Variants in EFCAB6 observed in about 807,000 individuals in gnomAD.
The protein encoded by EFCAB6 is EF-hand calcium binding domain 6, also known as EF-hand calcium-binding domain-containing protein 6.
Under a neutral mutation model 169.8 loss-of-function variants are expected in EFCAB6, and 156 were observed. The ratio of observed to expected loss-of-function variants is 0.92; its 90% confidence interval spans 0.81 to 1.05. The LOEUF is 1.05. EFCAB6 is among the 50% of genes least tolerant of loss of function. The probability of loss-of-function intolerance (pLI) is 0.00; values close to 1 mark genes in which losing one functional copy is unlikely to be tolerated. For synonymous variants in EFCAB6, 698 were observed against 676.4 expected, an observed-to-expected ratio of 1.03 and a Z score of -0.50; for missense variants, 1,800 against 1,829.1, an observed-to-expected ratio of 0.98 and a Z score of 0.29.
intron 2 of EFCAB6, among the ~76,000 whole-genome samples, chr22:43,804,235 G>A (rs1317679454): frequency 1.3e-5 from 2 of 152,116 alleles, no homozygotes; most frequent in African/African-American, 4.8e-5. Flanking sequence ...ATGAATCAAT[G>A]AAGAAATTAA....
chr22:43,782,424 G>T, intron 2 of EFCAB6, 99 bp from the exon 3 acceptor site: 3 of 1,051,800 alleles, frequency 2.9e-6, no homozygotes, highest in Non-Finnish European at 2.8e-6. Context: ...GACAGCTGCA[G>T]AGTGTAAAAA....
At chr22:43,751,536 G>T (rs1248645081) in intron 6 of EFCAB6, among the ~76,000 whole-genome samples, 1 of 152,236 alleles carries the variant, frequency 6.6e-6, no homozygotes, top group African/African-American at 2.4e-5. Flanking sequence ...ACTCCAGGAT[G>T]GAGCTGGGAC....
chr22:43,748,237 C>A (rs2060632988), intron 6 of EFCAB6, among the ~76,000 whole-genome samples: 1 of 152,208 alleles, frequency 6.6e-6, no homozygotes, highest in Admixed American at 6.5e-5. Flanking sequence ...TTATCAGAAA[C>A]CTTCAGTCAT....
At chr22:43,706,358 T>G (rs971753443) in intron 10 of EFCAB6, among the ~76,000 whole-genome samples, 2 of 152,242 alleles carry the variant, frequency 1.3e-5, no homozygotes, top group Non-Finnish European at 2.9e-5. Flanking sequence ...GTAGTTCCTC[T>G]TTGTTATTCT....
intron 22 of EFCAB6, among the ~76,000 whole-genome samples, chr22:43,604,043 CA>C (rs1391204085): frequency 5.9e-5 from 9 of 152,146 alleles, no homozygotes; most frequent in Admixed American, 2.0e-4. Flanking sequence ...GCTCTGGCCA[CA>C]AGAAGCGCTG....
intron 6 of EFCAB6, among the ~76,000 whole-genome samples, chr22:43,742,436 C>T (rs2060409184): frequency 6.6e-6 from 1 of 152,214 alleles, no homozygotes; most frequent in Admixed American, 6.5e-5. Flanking sequence ...CACTCCTCCA[C>T]CCTATACACC....
chr22:43,654,817 A>G (rs1022580269), intron 17 of EFCAB6, among the ~76,000 whole-genome samples: 1 of 152,244 alleles, frequency 6.6e-6, no homozygotes, highest in Admixed American at 6.5e-5. Context: ...CATTTAAAGT[A>G]CAAAAGGGAG....
At position 43,731,768 on chromosome 22, in the gene EFCAB6, A is replaced by C; in HGVS notation, c.688T>G (p.Tyr230Asp). The C allele has an allele frequency of 6.2e-7, 1 of 1,603,436 alleles. No individual in the cohort carries two copies. Among genetic ancestry groups the C allele is most frequent in the African/African-American group, 1.3e-5 (1 of 74,688 alleles). Reference protein sequence around the residue: ...YNIHKDTAVDYNVFLKNLSIN... With the variant: ...YNIHKDTAVDDNVFLKNLSIN... ...CTGAGATTCTTCAAAAACACGTTGT[A>C]ATCTACTGCAGTATCCTTGTGGATG... The change falls in exon 8 of 32, where the codon TAC becomes GAC. Residue 230 changes from tyrosine to aspartate, a missense_variant. Physicochemically the swap from Tyr to Asp is radical, Grantham distance 160 (BLOSUM62 -3). Coordinates refer to ENST00000262726, the MANE Select transcript of EFCAB6 (RefSeq NM_022785.4).
chr22:43,689,334 T>G (rs1212901291), intron 10 of EFCAB6, among the ~76,000 whole-genome samples: 1 of 127,300 alleles, frequency 7.9e-6, no homozygotes, highest in African/African-American at 3.1e-5. Context: ...GTGGGCCACG[T>G]GAGGGAGAGC....
At chr22:43,623,003 T>A (rs73172067) in intron 20 of EFCAB6, among the ~76,000 whole-genome samples, 1 of 152,126 alleles carries the variant, frequency 6.6e-6, no homozygotes, top group Non-Finnish European at 1.5e-5. Context: ...GCAAGAAAAT[T>A]TGAGAAAGGA....
intron 22 of EFCAB6, among the ~76,000 whole-genome samples, chr22:43,604,093 C>T (rs952668291): frequency 1.3e-5 from 2 of 152,076 alleles, no homozygotes; most frequent in African/African-American, 4.8e-5. Flanking sequence ...TTGTAAGTTT[C>T]CTGAGGCCTT....
chr22:43,697,584 A>G (rs2058622215), intron 10 of EFCAB6, among the ~76,000 whole-genome samples: 1 of 152,192 alleles, frequency 6.6e-6, no homozygotes, highest in Admixed American at 6.5e-5. Flanking sequence ...ATTTTCAAAA[A>G]TAAAAAATCA....
At chr22:43,726,825 G>A (rs1472918979) in intron 8 of EFCAB6, among the ~76,000 whole-genome samples, 1 of 152,198 alleles carries the variant, frequency 6.6e-6, no homozygotes, top group Admixed American at 6.5e-5. Context: ...TCCCACCGCT[G>A]GGAGGACAAA....
intron 10 of EFCAB6, among the ~76,000 whole-genome samples, chr22:43,688,742 C>T (rs997958439): frequency 3.9e-5 from 6 of 152,232 alleles, no homozygotes; most frequent in Non-Finnish European, 7.3e-5. Flanking sequence ...CATACACTGA[C>T]CTGTGTCACA....
In EFCAB6 at chr22:43,711,459, A is replaced by G; in HGVS notation, c.1031+16T>C. 1 of 1,544,586 alleles carries G rather than the reference A, an allele frequency of 6.5e-7. No individual in the cohort carries two copies. The highest frequency in any genetic ancestry group is 8.7e-7 in the Non-Finnish European group (1 of 1,151,752). The stretch of plus-strand genomic sequence containing the variant: ...GTTTGGGGAAAAAAATGTCAAGGAA[A>G]CAATGAGACTCTTACCTTTTCATTA... On this transcript the variant is annotated intron_variant, in intron 10 of 31. Coordinates refer to ENST00000262726, the MANE Select transcript of EFCAB6 (RefSeq NM_022785.4).
intron 6 of EFCAB6, among the ~76,000 whole-genome samples, chr22:43,748,990 C>T (rs746193285): frequency 5.9e-5 from 9 of 152,120 alleles, no homozygotes; most frequent in Admixed American, 2.6e-4. Context: ...AGAGAGGCAA[C>T]GGGAAACCCA....
intron 8 of EFCAB6, among the ~76,000 whole-genome samples, chr22:43,721,421 A>G (rs1434642539): frequency 6.6e-6 from 1 of 152,022 alleles, no homozygotes; most frequent in Non-Finnish European, 1.5e-5. Flanking sequence ...ACAAAACCCA[A>G]AGCCCAAATA....
rs201711180 is a variant in EFCAB6, at chr22:43,678,183, T to C, written c.1252-20A>G. The C allele has an allele frequency of 1.1e-5, 17 of 1,496,652 alleles. No homozygotes were observed. The highest frequency in any genetic ancestry group is 1.1e-4 in the Admixed American group (5 of 46,236). The allele number at this position is 1,496,652 out of a possible 1,614,324, so 92.7% of individuals were successfully genotyped here. On this transcript the variant is annotated intron_variant, in intron 12 of 31. Transcript: ENST00000262726. ...GGGTTTCTGAGCATCAGAGTGTATA[T>C]AAGGGAATTTTTGAAAAAAAAAAAA...
rs748789352 is a variant in EFCAB6, at chr22:43,667,216, AC to A, written c.1870del (p.Val624Ter). Reference sequence around the variant, plus strand: ...TATACACTTTTTGAATTTTTCAATCACTTCTTCTGTGGTCATCTTCTTGGTC... The same window carrying A: ...TATACACTTTTTGAATTTTTCAATCATTCTTCTGTGGTCATCTTCTTGGTC... ...TLTKKMTTEEVIEKFKKCIQQ... is the reference protein window; with the variant it reads ...TLTKKMTTEEXIEKFKKCIQQ... On this transcript the variant is annotated frameshift_variant, in exon 17 of 32. Transcript: ENST00000262726. LOFTEE classifies it high-confidence loss of function. 9.3e-6 allele frequency: 15 copies of A among 1,613,832 alleles called. No homozygotes were observed. Among genetic ancestry groups the A allele is most frequent in the Non-Finnish European group, 1.3e-5 (15 of 1,179,976 alleles).
Sources: allele counts gnomAD v4.1 joint callset (sites outside exome capture counted in the v4.1 genomes callset), GRCh38; gene constraint gnomAD v4.1.1; transcripts MANE v1.5; gene names NCBI Gene and HGNC (gene_info 2026-07-23, HGNC 2026-07-21).